Variants in SMIM35 observed in about 807,000 individuals in gnomAD.
SMIM35 encodes the protein TMPRSS4 antisense RNA 1 (non-protein coding).
intron 1 of SMIM35, among the ~76,000 whole-genome samples, chr11:118,072,252 G>T (rs562366383): frequency 3.3e-4 from 51 of 152,258 alleles, no homozygotes; most frequent in African/African-American, 1.2e-3. Flanking sequence ...CACTTTGGGA[G>T]GCCAAGGTGG....
chr11:118,067,719 C>T (rs189360460), intron 1 of SMIM35, among the ~76,000 whole-genome samples: 108 of 151,322 alleles, frequency 7.1e-4, no homozygotes, highest in Non-Finnish European at 1.2e-3. Context: ...TATAGTTCAA[C>T]TTCTCGGGAG....
intron 1 of SMIM35, among the ~76,000 whole-genome samples, chr11:118,046,774 C>T (rs1014467102): frequency 2.6e-5 from 4 of 152,152 alleles, no homozygotes; most frequent in Admixed American, 6.5e-5. Flanking sequence ...AGACTGACAC[C>T]GTTTGAGTCT....
intron 1 of SMIM35, among the ~76,000 whole-genome samples, chr11:118,067,707 C>T (rs549364384): frequency 9.3e-5 from 14 of 150,840 alleles, no homozygotes; most frequent in African/African-American, 3.4e-4. Flanking sequence ...TGGTGGTGCG[C>T]CTATAGTTCA....
intron 1 of SMIM35, among the ~76,000 whole-genome samples, chr11:118,033,015 T>G (rs1393312169): frequency 6.6e-6 from 1 of 152,242 alleles, no homozygotes; most frequent in Non-Finnish European, 1.5e-5. Flanking sequence ...ATAATAATGT[T>G]AGACATTTGC....
intron 1 of SMIM35, among the ~76,000 whole-genome samples, chr11:118,038,289 GT>G (rs1308758047): frequency 6.6e-6 from 1 of 152,164 alleles, no homozygotes; most frequent in Non-Finnish European, 1.5e-5. Flanking sequence ...TTTCTTTTGT[GT>G]TTGTTTTCAT....
intron 4 of SMIM35, among the ~76,000 whole-genome samples, chr11:118,006,781 TC>T (rs1296441016): frequency 1.3e-5 from 2 of 152,184 alleles, no homozygotes; most frequent in African/African-American, 4.8e-5. Context: ...CTTGTCATCT[TC>T]CTAGCTGAGT....
At chr11:118,063,903 C>T (rs1425566621) in intron 1 of SMIM35, among the ~76,000 whole-genome samples, 1 of 152,154 alleles carries the variant, frequency 6.6e-6, no homozygotes, top group Admixed American at 6.5e-5. Flanking sequence ...TTATAGTAAA[C>T]CTGTAAAGGT....
chr11:118,014,073 C>T (rs147563586), intron 3 of SMIM35, among the ~76,000 whole-genome samples, 193 bp from the exon 4 acceptor site: 231 of 152,284 alleles, frequency 1.5e-3, no homozygotes, highest in Middle Eastern at 6.8e-3. Context: ...AGATGACCAA[C>T]GCCAAGAGGA....
intron 1 of SMIM35, among the ~76,000 whole-genome samples, chr11:118,026,480 T>C: frequency 6.6e-6 from 1 of 152,244 alleles, no homozygotes; most frequent in Non-Finnish European, 1.5e-5. Flanking sequence ...TATATTATCT[T>C]GGGGCTCCCA....
intron 1 of SMIM35, among the ~76,000 whole-genome samples, chr11:118,048,197 A>C (rs1024622235): frequency 6.6e-6 from 1 of 152,232 alleles, no homozygotes; most frequent in African/African-American, 2.4e-5. Context: ...GGTTAAAGGA[A>C]GTAATTAATT....
chr11:118,077,206 G>A (rs1565402132), intron 1 of SMIM35: 2 of 1,516,256 alleles, frequency 1.3e-6, no homozygotes, highest in African/African-American at 1.4e-5. Flanking sequence ...CTGACCTGCT[G>A]GCCAGCCAGG....
At chr11:118,027,274 G>C (rs1294775716) in intron 1 of SMIM35, among the ~76,000 whole-genome samples, 1 of 150,644 alleles carries the variant, frequency 6.6e-6, no homozygotes, top group Non-Finnish European at 1.5e-5. Flanking sequence ...TGATCCACCC[G>C]CCTCGGCCTC....
rs11601466 is a variant in SMIM35, at chr11:118,014,433, A to G, written c.158+275T>C. 7.8e-3 allele frequency among the ~76,000 whole-genome samples: 925 copies of G among 118,788 alleles called. 6 individuals are homozygous for G. The highest frequency in any genetic ancestry group is 0.033 in the African/African-American group (897 of 27,378). 77.9% of individuals were successfully genotyped at this position (118,788 alleles called of 152,430 possible). ...GGATGGATGGATGGATGGATGGATGAATGGATGGATGGATGGGTGGATGGA... is the reference window on the plus strand; with the variant it reads ...GGATGGATGGATGGATGGATGGATGGATGGATGGATGGATGGGTGGATGGA... On this transcript the variant is annotated intron_variant, in intron 3 of 4. Transcript: ENST00000689828.
At chr11:118,036,755 C>A (rs1181226486) in intron 1 of SMIM35, among the ~76,000 whole-genome samples, 1 of 151,954 alleles carries the variant, frequency 6.6e-6, no homozygotes, top group African/African-American at 2.4e-5. Flanking sequence ...GTCATGCTTG[C>A]CTCTGCTCCT....
At chr11:118,048,378 T>A (rs1052434651) in intron 1 of SMIM35, among the ~76,000 whole-genome samples, 5 of 152,106 alleles carry the variant, frequency 3.3e-5, no homozygotes, top group African/African-American at 1.2e-4. Flanking sequence ...CTGGACCTGC[T>A]GGCGTGCTCC....
chr11:118,012,077 C>T (rs11216677), intron 4 of SMIM35, among the ~76,000 whole-genome samples: 14,692 of 152,212 alleles, frequency 0.097, 977 homozygotes, highest in East Asian at 0.37. Context: ...AAAGGGAGCA[C>T]AGGAAGAGAA....
rs535030581 is a variant in SMIM35 at position 118,062,342 on chromosome 11, A to G, written c.7+24409T>C. Among the ~76,000 whole-genome samples, 45 of 152,240 alleles carry G rather than the reference A, an allele frequency of 3.0e-4. 1 individual carries two copies. The South Asian group carries it at 9.1e-3, about 31-fold the overall frequency. On this transcript the variant is annotated intron_variant, in intron 1 of 4. Coordinates refer to ENST00000689828, the MANE Select transcript of SMIM35 (RefSeq NM_001394165.1). ...GAGACTCCATCTCAAAAACAAACAA[A>G]CAAAAGTGGGTCAAGAGAGGCACCC...
intron 1 of SMIM35, chr11:118,025,551 A>G: frequency 2.2e-6 from 1 of 455,344 alleles, no homozygotes. Flanking sequence ...AGTGATGTTG[A>G]GAGCATTTTT....
intron 1 of SMIM35, among the ~76,000 whole-genome samples, chr11:118,059,768 C>T (rs961208190): frequency 6.6e-6 from 1 of 152,156 alleles, no homozygotes; most frequent in African/African-American, 2.4e-5. Context: ...CACTCTGAGC[C>T]CAGATGAAAC....
Sources: gnomAD v4.1 joint callset for allele counts (sites outside exome capture counted in the v4.1 genomes callset) on GRCh38, gnomAD v4.1.1 for gene constraint, MANE v1.5 for transcripts, NCBI Gene and HGNC (gene_info 2026-07-23, HGNC 2026-07-21) for gene names.